The following SLC5A2 variants were observed in gnomAD, a reference collection of about 807,000 sequenced individuals.
The protein encoded by SLC5A2 is sodium/glucose cotransporter 2.
In SLC5A2, 67 loss-of-function variants were observed where a neutral mutation model predicts 69.0. The ratio of observed to expected loss-of-function variants is 0.97; its 90% CI spans 0.80 to 1.19. The LOEUF is 1.19. Ranked by LOEUF, SLC5A2 falls within the 50% of genes most tolerant of loss-of-function variation. The pLI, the probability that SLC5A2 is intolerant of heterozygous loss-of-function variation, is 0.00. For missense variants in SLC5A2, 1,001 were observed against 921.5 expected, an observed-to-expected ratio of 1.09 and a Z score of -1.12; for synonymous variants, 455 against 395.8, an observed-to-expected ratio of 1.15 and a Z score of -1.78.
At chr16:31,487,056 C>G (rs1039965697) in intron 5 of SLC5A2, among the ~76,000 whole-genome samples, 6 of 151,718 alleles carry the variant, frequency 4.0e-5, no homozygotes, top group African/African-American at 1.5e-4. Flanking sequence ...AAAACAAAAA[C>G]AAAAACAAAC....
In SLC5A2 at chr16:31,487,561, C is replaced by T; in HGVS notation, c.687C>T (p.Leu229=). 6.2e-7 allele frequency: 1 copy of T among 1,613,936 alleles called. No homozygotes were observed. The highest frequency in any genetic ancestry group is 8.5e-7 in the Non-Finnish European group (1 of 1,179,988). ...AFHEVGGYSG[L]FDKYLGAATS... ...ACGAGGTGGGCGGGTATTCGGGTCT[C>T]TTCGACAAATACCTGGGAGCAGCGA... The change falls in exon 7 of 14, where the codon CTC becomes CTT. Residue 229 remains leucine (L), a synonymous_variant. Transcript: ENST00000330498.
At position 31,489,167 on chromosome 16, in the gene SLC5A2, A is replaced by G. The variant is rs1433582586; in HGVS notation, c.1494A>G (p.Ala498=). ...GLIGGLLMGL[A]RLIPEFSFGS... ...TCGGGGGCCTGCTGATGGGCCTGGC[A>G]CGCCTGATTCCCGAGTTCTCCTTCG... The change falls in exon 12 of 14, where the codon GCA becomes GCG. Residue 498 remains alanine (A), a synonymous_variant. Transcript: ENST00000330498. The G allele has an allele frequency of 1.9e-6, 3 of 1,609,986 alleles. No homozygotes were observed. The African/African-American group carries it at 4.0e-5, about 21-fold the overall frequency.
In SLC5A2 at chr16:31,488,504, C is replaced by T. The variant is rs2082520665; in HGVS notation, c.1129+14C>T. On this transcript the variant is annotated intron_variant, in intron 9 of 13. Transcript: ENST00000330498. ...TCATGCCCAACGGTAAGGGCAGCCC[C>T]GGGCCACAGGCGCAAGCTCGCTGCG... The T allele has an allele frequency of 6.2e-7, 1 of 1,604,158 alleles. No individual in the cohort carries two copies. The highest frequency in any genetic ancestry group is 8.5e-7 in the Non-Finnish European group (1 of 1,176,746).
At chr16:31,486,578 C>T (rs974385268) in intron 5 of SLC5A2, among the ~76,000 whole-genome samples, 15 of 152,144 alleles carry the variant, frequency 9.9e-5, no homozygotes, top group African/African-American at 1.2e-4. Flanking sequence ...GACGAGTCTC[C>T]AAGATCTCTG....
chr16:31,489,843 C>T, intron 12 of SLC5A2: 1 of 505,860 alleles, frequency 2.0e-6, no homozygotes. Flanking sequence ...GCGCTACCAT[C>T]TGGGTGTAGA....
intron 13 of SLC5A2, 35 bp downstream of exon 13, chr16:31,490,265 G>C (rs779865507): frequency 1.2e-6 from 2 of 1,613,934 alleles, no homozygotes; most frequent in South Asian, 2.2e-5. Flanking sequence ...GGCTGGAGGA[G>C]CTGAGTTCCC....
Position 31,488,712 on chromosome 16 carries a change from T to G in SLC5A2, c.1220T>G (p.Met407Arg). Residue 407 changes from methionine (M) to arginine (R), a missense_variant, in exon 10 of 14, where the codon ATG becomes AGG. Physicochemically the swap from Met to Arg is moderately conservative, Grantham distance 91 (BLOSUM62 -1). Transcript: ENST00000330498. ...AACAGCAGCAGCACGCTCTTCACCA[T>G]GGACATCTACACGCGCCTGCGGCCA... ...IFNSSSTLFT[M>R]DIYTRLRPRA... 1 of 1,610,640 alleles carries G rather than the reference T, an allele frequency of 6.2e-7. No homozygotes were observed. Among genetic ancestry groups the G allele is most frequent in the Non-Finnish European group, 8.5e-7 (1 of 1,178,720 alleles).
At position 31,488,071 on chromosome 16, in the gene SLC5A2, C is replaced by A; in HGVS notation, c.919C>A (p.Leu307Met). The A allele has an allele frequency of 6.2e-7, 1 of 1,614,004 alleles. No homozygotes were observed. Among genetic ancestry groups the A allele is most frequent in the Non-Finnish European group, 8.5e-7 (1 of 1,179,952 alleles). ...IVQRCLAGKS[L>M]THIKAGCILC... is the part of the protein sequence containing the mutation. ...GCAGCGCTGCCTGGCCGGGAAGAGC[C>A]TGACCCACATCAAGGCGGGCTGCAT... The change falls in exon 8 of 14, where the codon CTG (leucine) becomes ATG (methionine). Residue 307 changes from leucine (L) to methionine (M), a missense_variant. Physicochemically the swap from Leu to Met is conservative, Grantham distance 15. Coordinates refer to ENST00000330498, the MANE Select transcript of SLC5A2 (RefSeq NM_003041.4).
chr16:31,487,465 G>C (rs1317129006), intron 6 of SLC5A2, 65 bp downstream of exon 6: 3 of 1,608,894 alleles, frequency 1.9e-6, no homozygotes, highest in South Asian at 1.1e-5. Flanking sequence ...GCCTGCGCGC[G>C]GGGCCGTTGC....
Position 31,488,038 on chromosome 16 carries a change from G to A in SLC5A2, c.886G>A (p.Val296Ile). Reference protein sequence around the residue: ...VSGWYWCSDQVIVQRCLAGKS... With the variant: ...VSGWYWCSDQIIVQRCLAGKS... Reference sequence around the variant, plus strand: ...GGGCAGCTGAACGCCCCTCCCGTAGGTCATCGTGCAGCGCTGCCTGGCCGG... The same window carrying A: ...GGGCAGCTGAACGCCCCTCCCGTAGATCATCGTGCAGCGCTGCCTGGCCGG... Residue 296 changes from valine to isoleucine, a missense_variant and splice_region_variant, in exon 8 of 14, where the codon GTC (valine) becomes ATC (isoleucine). Transcript: ENST00000330498. 6.2e-7 allele frequency: 1 copy of A among 1,613,398 alleles called. No individual in the cohort carries two copies.
intron 5 of SLC5A2, among the ~76,000 whole-genome samples, chr16:31,486,608 A>C (rs913055063): frequency 2.2e-4 from 33 of 152,182 alleles, no homozygotes; most frequent in Admixed American, 2.2e-3. Context: ...AGTATGGTTC[A>C]TAGGGACCTG....
At position 31,487,574 on chromosome 16, in the gene SLC5A2, C is replaced by T; in HGVS notation, c.700C>T (p.Leu234=). 6.2e-7 allele frequency: 1 copy of T among 1,614,012 alleles called. No homozygotes were observed. Among genetic ancestry groups the T allele is most frequent in the Non-Finnish European group, 8.5e-7 (1 of 1,180,006 alleles). ...GGYSGLFDKY[L]GAATSLTVSE... is the part of the protein sequence containing the mutation. ...GTATTCGGGTCTCTTCGACAAATAC[C>T]TGGGAGCAGCGACTTCGCTGACGGT... Residue 234 remains leucine, a synonymous_variant, in exon 7 of 14, where the codon CTG becomes TTG. Transcript: ENST00000330498.
At chr16:31,489,459 C>T in intron 12 of SLC5A2, 121 bp downstream of exon 12, 2 of 868,214 alleles carry the variant, frequency 2.3e-6, no homozygotes, top group South Asian at 2.9e-5. Context: ...GGCTGGGGGT[C>T]CAGCTGCAGT....
At chr16:31,488,315 C>T in intron 8 of SLC5A2, 68 bp from the exon 9 acceptor site, 5 of 1,600,336 alleles carry the variant, frequency 3.1e-6, no homozygotes, top group East Asian at 2.2e-5. Context: ...CTAGGATTCC[C>T]AGTCCCCACC....
At chr16:31,487,837 C>T in intron 7 of SLC5A2, 78 bp downstream of exon 7, 1 of 1,466,950 alleles carries the variant, frequency 6.8e-7, no homozygotes. Context: ...TCCCCGCCTT[C>T]CCCACAACGG....
chr16:31,483,788 T>C (rs922083785), intron 1 of SLC5A2, among the ~76,000 whole-genome samples: 2 of 152,080 alleles, frequency 1.3e-5, no homozygotes, highest in African/African-American at 2.4e-5. Context: ...GGTCTCACCA[T>C]GTTGCCCAGG....
intron 5 of SLC5A2, among the ~76,000 whole-genome samples, chr16:31,486,567 T>A (rs955672027): frequency 2.0e-5 from 3 of 152,192 alleles, no homozygotes; most frequent in Non-Finnish European, 2.9e-5. Flanking sequence ...AGAGCACACC[T>A]GACGAGTCTC....
At position 31,484,916 on chromosome 16, in the gene SLC5A2, A is replaced by G. The variant is rs1371267939; in HGVS notation, c.296A>G (p.Glu99Gly). 1 of 1,613,936 alleles carries G rather than the reference A, an allele frequency of 6.2e-7. No homozygotes were observed. Among genetic ancestry groups the G allele is most frequent in the Non-Finnish European group, 8.5e-7 (1 of 1,179,928 alleles). The change falls in exon 3 of 14, where the codon GAG becomes GGG. Residue 99 changes from glutamate (E) to glycine (G), a missense_variant. Transcript: ENST00000330498. ...AGTGGCTTGGCTGTTGCTGGATTCG[A>G]GTGGAATGTGAGGCCCTCTTTTTTC... ...AASGLAVAGF[E>G]WNALFVVLLL...
intron 1 of SLC5A2, among the ~76,000 whole-genome samples, chr16:31,484,361 T>C (rs9927039): frequency 0.047 from 6,894 of 146,692 alleles, 509 homozygotes; most frequent in African/African-American, 0.17. Flanking sequence ...GTGGAGGTTG[T>C]AGTGAGCCAA....
Sources: allele counts gnomAD v4.1 joint callset (sites outside exome capture counted in the v4.1 genomes callset), GRCh38; gene constraint gnomAD v4.1.1; transcripts MANE v1.5; gene names NCBI Gene and HGNC (gene_info 2026-07-23, HGNC 2026-07-21).